The following SNX6 variants were observed in gnomAD, a reference collection of about 807,000 sequenced individuals.
SNX6 encodes sorting nexin 6, also known as sorting nexin-6.
A neutral mutation model predicts 63.0 loss-of-function variants in SNX6; 34 were observed. The ratio of observed to expected loss-of-function variants is 0.54; its 90% confidence interval spans 0.41 to 0.72. The LOEUF (loss-of-function observed/expected upper bound fraction) is 0.72, where lower values mean the gene tolerates loss of function less well. Ranked by LOEUF, SNX6 falls within the 30% of genes least tolerant of loss-of-function variation. The pLI is 0.00. For missense variants in SNX6, 398 were observed against 471.4 expected (o/e 0.84, Z 1.44); for synonymous variants, 170 against 164.2 (o/e 1.04, Z -0.27).
At chr14:34,564,435 C>T (rs988624555) in intron 13 of SNX6, among the ~76,000 whole-genome samples, 1 of 152,152 alleles carries the variant, frequency 6.6e-6, no homozygotes, top group Non-Finnish European at 1.5e-5. Context: ...GCAAAATGTC[C>T]TCTGGGGGGC....
At chr14:34,626,318 G>A (rs1395516458) in intron 2 of SNX6, among the ~76,000 whole-genome samples, 1 of 151,866 alleles carries the variant, frequency 6.6e-6, no homozygotes, top group Non-Finnish European at 1.5e-5. Flanking sequence ...ACAGTCAGGA[G>A]TGCTCTTTTG....
intron 8 of SNX6, among the ~76,000 whole-genome samples, chr14:34,589,271 A>G (rs562062927): frequency 5.3e-4 from 81 of 151,920 alleles, no homozygotes; most frequent in Middle Eastern, 3.4e-3. Context: ...CCTGGCCAAC[A>G]TGGTGAAACC....
intron 2 of SNX6, among the ~76,000 whole-genome samples, chr14:34,618,717 C>T (rs1273209191): frequency 6.6e-6 from 1 of 152,050 alleles, no homozygotes; most frequent in Non-Finnish European, 1.5e-5. Context: ...TTCCCTCTGC[C>T]TGGAACACTC....
intron 11 of SNX6, 87 bp from the exon 12 acceptor site, chr14:34,568,100 C>T: frequency 8.8e-7 from 1 of 1,137,140 alleles, no homozygotes; most frequent in East Asian, 2.4e-5. Flanking sequence ...CCACCACAAC[C>T]ATCAGAGCTA....
chr14:34,612,385 T>C (rs898596003), intron 2 of SNX6, among the ~76,000 whole-genome samples: 6 of 152,156 alleles, frequency 3.9e-5, no homozygotes, highest in Non-Finnish European at 7.4e-5. Context: ...GATTTTGAGA[T>C]GGGGATTTTG....
intron 8 of SNX6, among the ~76,000 whole-genome samples, chr14:34,589,030 AG>A (rs902815670): frequency 1.3e-5 from 2 of 152,114 alleles, no homozygotes; most frequent in African/African-American, 4.8e-5. Flanking sequence ...GCTGCTCGGG[AG>A]GCTGAGGCAC....
intron 3 of SNX6, among the ~76,000 whole-genome samples, chr14:34,608,594 G>GT (rs1403980747): frequency 6.6e-6 from 1 of 152,180 alleles, no homozygotes; most frequent in Non-Finnish European, 1.5e-5. Flanking sequence ...TGTTGGGAAA[G>GT]TAAGTTGACA....
chr14:34,578,628 CAAAAAG>C (rs1881804631), intron 10 of SNX6, among the ~76,000 whole-genome samples: 1 of 129,110 alleles, frequency 7.7e-6, no homozygotes, highest in African/African-American at 3.0e-5. Context: ...AGATCTGTCT[CAAAAAG>C]AAAAAAAAAA....
At chr14:34,576,452 AT>A (rs761952812) in intron 10 of SNX6, among the ~76,000 whole-genome samples, 2 of 63,206 alleles carry the variant, frequency 3.2e-5, no homozygotes, top group African/African-American at 7.7e-5. Flanking sequence ...ATATATATAT[AT>A]TTTTTTTTTT....
At chr14:34,628,944 G>A (rs1007245607) in intron 2 of SNX6, among the ~76,000 whole-genome samples, 2 of 152,032 alleles carry the variant, frequency 1.3e-5, no homozygotes, top group Non-Finnish European at 2.9e-5. Flanking sequence ...GGGGTGGAGA[G>A]TGGGGTGGGA....
At chr14:34,612,771 C>T (rs901308277) in intron 2 of SNX6, among the ~76,000 whole-genome samples, 2 of 151,828 alleles carry the variant, frequency 1.3e-5, no homozygotes, top group Non-Finnish European at 2.9e-5. Flanking sequence ...AGAGGCCAGG[C>T]GCCACTGGTG....
chr14:34,584,506 G>A (rs1882069694), intron 9 of SNX6, among the ~76,000 whole-genome samples: 1 of 151,738 alleles, frequency 6.6e-6, no homozygotes. Flanking sequence ...CTCCAGCCTG[G>A]GTGACAGAGC....
intron 13 of SNX6, among the ~76,000 whole-genome samples, chr14:34,565,048 ATAAT>A (rs1053875544): frequency 1.3e-5 from 2 of 151,732 alleles, no homozygotes; most frequent in South Asian, 2.1e-4. Flanking sequence ...TCTGAATTTC[ATAAT>A]TAATACATTT....
At chr14:34,619,557 G>A (rs538891237) in intron 2 of SNX6, among the ~76,000 whole-genome samples, 1 of 125,684 alleles carries the variant, frequency 8.0e-6, no homozygotes, top group South Asian at 2.9e-4. Flanking sequence ...CACTGTCCCA[G>A]GTATTGTGAA....
chr14:34,564,080 T>A (rs962378489), intron 13 of SNX6, among the ~76,000 whole-genome samples: 3 of 152,094 alleles, frequency 2.0e-5, no homozygotes, highest in African/African-American at 4.8e-5. Context: ...CAGACTAAAG[T>A]GCAGTGGCAT....
chr14:34,565,169 C>A (rs1407919426), intron 13 of SNX6, among the ~76,000 whole-genome samples: 2 of 151,618 alleles, frequency 1.3e-5, no homozygotes, highest in African/African-American at 4.8e-5. Context: ...GCTCTGTCTC[C>A]CGGGTTCACG....
At chr14:34,613,737 G>A (rs1949046533) in intron 2 of SNX6, among the ~76,000 whole-genome samples, 1 of 152,000 alleles carries the variant, frequency 6.6e-6, no homozygotes, top group Non-Finnish European at 1.5e-5. Context: ...AGCTTGCAGT[G>A]AGCCAAGATA....
chr14:34,618,889 T>C (rs1883522786), intron 2 of SNX6, among the ~76,000 whole-genome samples: 1 of 152,204 alleles, frequency 6.6e-6, no homozygotes, highest in Non-Finnish European at 1.5e-5. Context: ...ATAATGCCTA[T>C]TCAAAACCTA....
intron 2 of SNX6, among the ~76,000 whole-genome samples, chr14:34,625,458 C>T (rs909094098): frequency 5.9e-5 from 9 of 152,130 alleles, no homozygotes; most frequent in East Asian, 1.9e-4. Flanking sequence ...ATCGGCCGGG[C>T]GCGGTGGCTC....
Sources: allele counts gnomAD v4.1 joint callset (sites outside exome capture counted in the v4.1 genomes callset), GRCh38; gene constraint gnomAD v4.1.1; transcripts MANE v1.5; gene names NCBI Gene and HGNC (gene_info 2026-07-23, HGNC 2026-07-21).